Variants in PBX3 observed in about 807,000 individuals in gnomAD.
PBX3 encodes the protein pre-B-cell leukemia transcription factor 3.
In PBX3, 14 loss-of-function variants were observed where a neutral mutation model predicts 48.5. The ratio of observed to expected loss-of-function variants is 0.29; its 90% CI spans 0.19 to 0.45. The LOEUF is 0.45. Ranked by LOEUF, PBX3 falls within the 20% of genes least tolerant of loss-of-function variation. The probability of loss-of-function intolerance (pLI) is 1.00; values close to 1 mark genes in which losing one functional copy is unlikely to be tolerated. For missense variants in PBX3, 386 were observed against 546.7 expected (o/e 0.71, Z 2.93); for synonymous variants, 210 against 200.3 (o/e 1.05, Z -0.41).
At chr9:125,753,333 G>A (rs1273121052) in intron 2 of PBX3, among the ~76,000 whole-genome samples, 1 of 146,846 alleles carries the variant, frequency 6.8e-6, no homozygotes, top group Non-Finnish European at 1.5e-5. Context: ...TGGAGCTTTT[G>A]TAGGAGGTTT....
rs138413736 is a variant in PBX3, at chr9:125,757,346, G to T, written c.274+8723G>T. Among the ~76,000 whole-genome samples the T allele has an allele frequency of 4.7e-3, 716 of 151,778 alleles. 5 individuals are homozygous for T. Among genetic ancestry groups the T allele is most frequent in the South Asian group, 7.9e-3 (38 of 4,816 alleles). On this transcript the variant is annotated intron_variant, in intron 2 of 8. Transcript: ENST00000373489. Reference sequence around the variant, plus strand: ...AGTCAGATATATCATTTTCAACTTGGAATAGGAACTAGAGCAGGAAATTGA... The same window carrying T: ...AGTCAGATATATCATTTTCAACTTGTAATAGGAACTAGAGCAGGAAATTGA...
At chr9:125,773,812 ATTTG>A (rs1360232159) in intron 2 of PBX3, among the ~76,000 whole-genome samples, 2 of 152,138 alleles carry the variant, frequency 1.3e-5, no homozygotes, top group Admixed American at 6.5e-5. Context: ...AGCAGTGTAT[ATTTG>A]TTCTATTTGC....
intron 2 of PBX3, among the ~76,000 whole-genome samples, chr9:125,786,263 TATC>T (rs1564654215): frequency 6.6e-6 from 1 of 152,194 alleles, no homozygotes; most frequent in Non-Finnish European, 1.5e-5. Flanking sequence ...GTCACCTGCT[TATC>T]ATGGAAAATG....
chr9:125,808,788 A>G (rs1838202624), intron 2 of PBX3, among the ~76,000 whole-genome samples: 1 of 152,172 alleles, frequency 6.6e-6, no homozygotes, highest in Non-Finnish European at 1.5e-5. Flanking sequence ...TTGTCAACCA[A>G]TCATACATGA....
intron 2 of PBX3, among the ~76,000 whole-genome samples, chr9:125,880,464 T>G (rs984298272): frequency 2.0e-5 from 3 of 152,222 alleles, no homozygotes; most frequent in African/African-American, 7.2e-5. Context: ...CTTCCAGTTA[T>G]TTTCAATATT....
In PBX3 at chr9:125,747,669, T is replaced by A; in HGVS notation, c.200+16T>A. 1 of 1,567,394 alleles carries A rather than the reference T, an allele frequency of 6.4e-7. No individual in the cohort carries two copies. The highest frequency in any genetic ancestry group is 2.5e-5 in the East Asian group (1 of 39,410). Reference sequence around the variant, plus strand: ...CGCAAGCAAAGTTGGTGTCGTCTCATTAAGCATCTTTTGTGTGTGTGCGGG... The same window carrying A: ...CGCAAGCAAAGTTGGTGTCGTCTCAATAAGCATCTTTTGTGTGTGTGCGGG... On this transcript the variant is annotated intron_variant, in intron 1 of 8. Coordinates refer to ENST00000373489, the MANE Select transcript of PBX3 (RefSeq NM_006195.6).
chr9:125,884,787 TA>T (rs962271505), intron 2 of PBX3, among the ~76,000 whole-genome samples: 2 of 152,212 alleles, frequency 1.3e-5, no homozygotes, highest in African/African-American at 4.8e-5. Context: ...AAGTACCTTG[TA>T]AGAGATGTTT....
At chr9:125,876,026 A>G (rs1427394021) in intron 2 of PBX3, among the ~76,000 whole-genome samples, 1 of 152,206 alleles carries the variant, frequency 6.6e-6, no homozygotes, top group Non-Finnish European at 1.5e-5. Flanking sequence ...CTTAAGGACA[A>G]TTCATTTCTG....
At chr9:125,874,799 T>C (rs1211545057) in intron 2 of PBX3, among the ~76,000 whole-genome samples, 1 of 152,144 alleles carries the variant, frequency 6.6e-6, no homozygotes, top group Non-Finnish European at 1.5e-5. Context: ...AAGTCAAAGA[T>C]TGGCATACCC....
chr9:125,774,169 C>T (rs529860067), intron 2 of PBX3, among the ~76,000 whole-genome samples: 142 of 152,230 alleles, frequency 9.3e-4, no homozygotes, highest in African/African-American at 3.3e-3. Flanking sequence ...CTTACGTGGC[C>T]GGAGCAGGAG....
chr9:125,875,758 C>G lies in PBX3; in HGVS notation c.275-39928C>G, dbSNP rs75645779. On this transcript the variant is annotated intron_variant, in intron 2 of 8. Coordinates refer to ENST00000373489, the MANE Select transcript of PBX3 (RefSeq NM_006195.6). ...CCCCACCTGTAGGATGAAGTTCAAA[C>G]TCTCTAGTCTGGAATTTTTTGCTAT... Among the ~76,000 whole-genome samples the G allele has an allele frequency of 4.4e-3, 677 of 152,268 alleles. 7 individuals carry two copies. The highest frequency in any genetic ancestry group is 0.016 in the African/African-American group (652 of 41,552).
At chr9:125,778,726 G>T (rs1046769783) in intron 2 of PBX3, among the ~76,000 whole-genome samples, 2 of 147,902 alleles carry the variant, frequency 1.4e-5, no homozygotes, top group African/African-American at 5.0e-5. Context: ...CTCTTTGCCC[G>T]GTACTGGGCA....
chr9:125,826,986 A>G (rs1160039554), intron 2 of PBX3, among the ~76,000 whole-genome samples: 21 of 152,114 alleles, frequency 1.4e-4, no homozygotes, highest in Admixed American at 1.4e-3. Context: ...TTTTAATCTA[A>G]CTGTATGTTT....
At chr9:125,761,318 T>C (rs1836661382) in intron 2 of PBX3, among the ~76,000 whole-genome samples, 1 of 152,160 alleles carries the variant, frequency 6.6e-6, no homozygotes, top group African/African-American at 2.4e-5. Flanking sequence ...ATCTATTGCA[T>C]TTGAAAATAT....
At chr9:125,818,062 A>AGT (rs1396791795) in intron 2 of PBX3, among the ~76,000 whole-genome samples, 1 of 152,010 alleles carries the variant, frequency 6.6e-6, no homozygotes, top group Non-Finnish European at 1.5e-5. Context: ...TAGCTAGCAT[A>AGT]GTGGCTCACA....
At chr9:125,917,962 G>A (rs1841370869) in intron 3 of PBX3, among the ~76,000 whole-genome samples, 1 of 152,112 alleles carries the variant, frequency 6.6e-6, no homozygotes, top group African/African-American at 2.4e-5. Context: ...ATAATTGAGA[G>A]TAAACAAAAT....
intron 2 of PBX3, among the ~76,000 whole-genome samples, chr9:125,878,892 T>C (rs984982948): frequency 3.9e-5 from 6 of 152,160 alleles, no homozygotes; most frequent in African/African-American, 1.4e-4. Context: ...CCTTCTTATG[T>C]AGGAACTTGA....
At chr9:125,937,670 T>G (rs897911138) in intron 5 of PBX3, among the ~76,000 whole-genome samples, 2 of 152,220 alleles carry the variant, frequency 1.3e-5, no homozygotes, top group South Asian at 2.1e-4. Flanking sequence ...TTTTGCTTTT[T>G]CTTTTTTAAA....
chr9:125,909,474 C>T (rs970475174), intron 2 of PBX3, among the ~76,000 whole-genome samples: 4 of 152,068 alleles, frequency 2.6e-5, no homozygotes, highest in African/African-American at 7.2e-5. Flanking sequence ...TTGATGGCTC[C>T]AAGCAGCAAA....
Sources: gnomAD v4.1 joint callset for allele counts (sites outside exome capture counted in the v4.1 genomes callset) on GRCh38, gnomAD v4.1.1 for gene constraint, MANE v1.5 for transcripts, NCBI Gene and HGNC (gene_info 2026-07-23, HGNC 2026-07-21) for gene names.